ZFYVE26: variants seen among roughly 807,000 people sequenced by gnomAD.
The protein encoded by ZFYVE26 is zinc finger FYVE-type containing 26.
Under a neutral mutation model 276.5 loss-of-function variants are expected in ZFYVE26, and 181 were observed. That is an observed-to-expected ratio of 0.65 (90% confidence interval 0.58 to 0.74). The LOEUF (loss-of-function observed/expected upper bound fraction) is 0.74. Among genes scored for constraint, ZFYVE26 ranks in the 30% least tolerant of loss-of-function variants. The pLI is 0.00. For synonymous variants in ZFYVE26, 1,129 were observed against 1,203.1 expected (o/e 0.94, Z 1.27); for missense variants, 2,821 against 3,097.9 (o/e 0.91, Z 2.12).
intron 40 of ZFYVE26, 75 bp from the exon 41 acceptor site, chr14:67,751,171 C>T (rs2038631625): frequency 6.5e-7 from 1 of 1,539,032 alleles, no homozygotes; most frequent in Middle Eastern, 1.7e-4. Flanking sequence ...AACCCAGCCT[C>T]AGCCCAGCCA....
intron 3 of ZFYVE26, among the ~76,000 whole-genome samples, chr14:67,811,395 A>T (rs913529745): frequency 1.3e-5 from 2 of 152,338 alleles, no homozygotes; most frequent in Middle Eastern, 3.4e-3. Context: ...CTGGTGACCG[A>T]GAGGAGCAAA....
At chr14:67,775,457 C>A (rs780520628) in intron 26 of ZFYVE26, among the ~76,000 whole-genome samples, 3 of 152,138 alleles carry the variant, frequency 2.0e-5, no homozygotes, top group Non-Finnish European at 4.4e-5. Context: ...TCAGTCCATA[C>A]TTATTTCAGT....
At chr14:67,779,454 TG>T (rs2039437887) in intron 23 of ZFYVE26, among the ~76,000 whole-genome samples, 1 of 151,978 alleles carries the variant, frequency 6.6e-6, no homozygotes, top group South Asian at 2.1e-4. Flanking sequence ...CCAAGCTACT[TG>T]GGAGCCTGAG....
At chr14:67,774,986 T>C in intron 27 of ZFYVE26, 30 bp downstream of exon 27, 1 of 1,533,142 alleles carries the variant, frequency 6.5e-7, no homozygotes, top group Non-Finnish European at 8.9e-7. Context: ...AACTGAAAAA[T>C]TTTAGTGAAT....
At chr14:67,731,615 AT>A (rs1183923576) in intron 13 of ZFYVE26, among the ~76,000 whole-genome samples, 7 of 151,914 alleles carry the variant, frequency 4.6e-5, no homozygotes, top group African/African-American at 1.7e-4. Flanking sequence ...TAAATATCAT[AT>A]TTTAATATAA....
At chr14:67,754,364 G>T (rs559801825) in intron 37 of ZFYVE26, 152 bp from the exon 38 acceptor site, 2 of 1,008,908 alleles carry the variant, frequency 2.0e-6, no homozygotes, top group Non-Finnish European at 3.0e-6. Context: ...GAGCAGTTAT[G>T]ACAAGACCAA....
At chr14:67,769,508 C>T in intron 29 of ZFYVE26, 86 bp downstream of exon 29, 1 of 1,586,982 alleles carries the variant, frequency 6.3e-7, no homozygotes, top group Admixed American at 1.7e-5. Context: ...TTGAAATGCT[C>T]TCATAATGAG....
rs754030243 is a variant in ZFYVE26 at position 67,729,380 on chromosome 14, GGT to G, written n.3117_3118del. ...GAGCCCCTGAGTGGCAAGTACTTCA[GGT>G]GTGTGAAGGCAATGCGGTTCTCTCC... is the stretch of plus-strand genomic sequence containing the variant. On this transcript the variant is annotated non_coding_transcript_exon_variant, in exon 14 of 15. Coordinates refer to the ZFYVE26 transcript ENST00000394455. 2 of 1,597,302 alleles carry G rather than the reference GGT, an allele frequency of 1.3e-6. No homozygotes were observed. The highest frequency in any genetic ancestry group is 3.3e-5 in the Admixed American group (2 of 60,012).
intron 28 of ZFYVE26, 132 bp downstream of exon 28, chr14:67,771,915 G>T: frequency 8.0e-7 from 1 of 1,245,258 alleles, no homozygotes. Flanking sequence ...TGAACCCAAA[G>T]TCTTAGATTT....
intron 16 of ZFYVE26, among the ~76,000 whole-genome samples, chr14:67,787,999 C>T (rs369898174): frequency 6.6e-6 from 1 of 152,052 alleles, no homozygotes; most frequent in Non-Finnish European, 1.5e-5. Flanking sequence ...ACTCTTTGTA[C>T]AATGTGGTTT....
At chr14:67,755,925 A>G in intron 36 of ZFYVE26, 23 bp downstream of exon 36, 1 of 1,613,850 alleles carries the variant, frequency 6.2e-7, no homozygotes, top group Non-Finnish European at 8.5e-7. Flanking sequence ...CAGAGGTAGA[A>G]GGCAGGAAGG....
At chr14:67,802,495 C>A (rs2140247101) in intron 9 of ZFYVE26, among the ~76,000 whole-genome samples, 1 of 152,328 alleles carries the variant, frequency 6.6e-6, no homozygotes, top group South Asian at 2.1e-4. Flanking sequence ...CCCCCACTCA[C>A]CTCCCTTCTA....
chr14:67,762,575 G>A, intron 33 of ZFYVE26, 97 bp downstream of exon 33: 1 of 1,592,204 alleles, frequency 6.3e-7, no homozygotes, highest in South Asian at 1.1e-5. Context: ...CCCATGGGCA[G>A]GACAACTGAG....
rs1217564857 is a variant in ZFYVE26, at chr14:67,754,279, G to A, written c.6987-67C>T. Reference sequence around the variant, plus strand: ...CCCAGGTGACTGAGGCCAGGAGACTGAGAAGTCGAATAATATGGCAATGAA... The same window carrying A: ...CCCAGGTGACTGAGGCCAGGAGACTAAGAAGTCGAATAATATGGCAATGAA... On this transcript the variant is annotated intron_variant, in intron 37 of 41. Coordinates refer to ENST00000347230, the MANE Select transcript of ZFYVE26 (RefSeq NM_015346.4). 4.4e-6 allele frequency: 7 copies of A among 1,599,384 alleles called. No homozygotes were observed. The African/African-American group carries it at 6.7e-5, about 15-fold the overall frequency.
intron 10 of ZFYVE26, chr14:67,798,911 G>A: frequency 1.0e-6 from 1 of 987,162 alleles, no homozygotes; most frequent in African/African-American, 1.6e-5. Context: ...CCCGGGGAGG[G>A]CGCTGAGCTC....
At chr14:67,757,079 T>C (rs1275209186) in intron 35 of ZFYVE26, among the ~76,000 whole-genome samples, 1 of 152,170 alleles carries the variant, frequency 6.6e-6, no homozygotes, top group Non-Finnish European at 1.5e-5. Flanking sequence ...ACCATCACCA[T>C]TACAGCACAC....
At chr14:67,784,611 A>G (rs1348023438) in intron 19 of ZFYVE26, among the ~76,000 whole-genome samples, 175 bp from the exon 20 acceptor site, 2 of 152,192 alleles carry the variant, frequency 1.3e-5, no homozygotes, top group Non-Finnish European at 2.9e-5. Flanking sequence ...CACAAGTTTT[A>G]TCTATATCTT....
chr14:67,768,689 C>T (rs1002232567), intron 29 of ZFYVE26, 141 bp from the exon 30 acceptor site: 8 of 794,780 alleles, frequency 1.0e-5, no homozygotes, highest in Non-Finnish European at 1.7e-5. Flanking sequence ...ATGAAAGAGT[C>T]CCCCATCAAT....
At position 67,798,033 on chromosome 14, in the gene ZFYVE26, C is replaced by T. The variant is rs1213595669; in HGVS notation, c.2229G>A (p.Val743=). 4 of 1,614,150 alleles carry T rather than the reference C, an allele frequency of 2.5e-6. No homozygotes were observed. The highest frequency in any genetic ancestry group is 3.4e-6 in the Non-Finnish European group (4 of 1,180,016). ...VSEAQWRHKV[V]TSNHRSEEQP... ...TCTCACCTGAACGATGGTTGCTTGT[C>T]ACCACCTTGTGTCTCCACTGGGCCT... The change falls in exon 11 of 42, where the codon GTG becomes GTA. Residue 743 remains valine (V), a synonymous_variant. Coordinates refer to ENST00000347230, the MANE Select transcript of ZFYVE26 (RefSeq NM_015346.4).
Sources: gnomAD v4.1 joint callset for allele counts (sites outside exome capture counted in the v4.1 genomes callset) on GRCh38, gnomAD v4.1.1 for gene constraint, MANE v1.5 for transcripts, NCBI Gene and HGNC (gene_info 2026-07-23, HGNC 2026-07-21) for gene names.